The following ALMS1 variants were observed in gnomAD, a reference collection of about 807,000 sequenced individuals.
ALMS1 encodes the protein ALMS1 centrosome and basal body associated protein.
ALMS1 carries 271 observed loss-of-function variants against 352.2 expected under a neutral mutation model. The ratio of observed to expected loss-of-function variants is 0.77; its 90% confidence interval spans 0.70 to 0.85. The LOEUF is 0.85. Among genes scored for constraint, ALMS1 ranks in the 40% least tolerant of loss-of-function variants. The pLI, the probability that ALMS1 is intolerant of heterozygous loss-of-function variation, is 0.00. For missense variants in ALMS1, 5,445 were observed against 4,870.7 expected (o/e 1.12, Z -3.51); for synonymous variants, 1,865 against 1,761.2 (o/e 1.06, Z -1.48).
chr2:73,451,715 G>A lies in ALMS1; in HGVS notation c.5188G>A (p.Glu1730Lys). 1 of 1,613,444 alleles carries A rather than the reference G, an allele frequency of 6.2e-7. No homozygotes were observed. Among genetic ancestry groups the A allele is most frequent in the Non-Finnish European group, 8.5e-7 (1 of 1,179,832 alleles). Residue 1730 changes from glutamate (E) to lysine (K), a missense_variant, in exon 8 of 23, where the codon GAG becomes AAG. Glu to Lys is a moderately conservative substitution (Grantham distance 56, BLOSUM62 1). Coordinates refer to ENST00000613296, the MANE Select transcript of ALMS1 (RefSeq NM_001378454.1). ...VFYQQALPDS[E>K]LTQEALKVSA... is the part of the protein sequence containing the mutation. ...CTACCAACAGGCCCTGCCAGACAGT[G>A]AGCTAACTCAAGAAGCTCTGAAAGT...
Position 73,451,946 on chromosome 2 carries a change from TCA to T in ALMS1, c.5424_5425del (p.His1808GlnfsTer17). The T allele has an allele frequency of 6.2e-7, 1 of 1,613,712 alleles. No homozygotes were observed. Among genetic ancestry groups the T allele is most frequent in the Non-Finnish European group, 8.5e-7 (1 of 1,179,886 alleles). On this transcript the variant is annotated frameshift_variant, in exon 8 of 23. Transcript: ENST00000613296. LOFTEE classifies it high-confidence loss of function. ...GVSTVTSTSY[S>X]HREKPIVSYQ... ...ATCAACAGTAACCTCTACTTCCTAC[TCA>T]CACAGAGAGAAGCCCATTGTTTCCT...
Position 73,422,747 on chromosome 2 carries a change from T to A in ALMS1, c.647-110T>A, listed in dbSNP as rs144339680. 911 of 881,992 alleles carry A rather than the reference T, an allele frequency of 1.0e-3. 3 individuals are homozygous for A. Among genetic ancestry groups the A allele is most frequent in the Non-Finnish European group, 1.6e-3 (827 of 531,382 alleles). 54.6% of individuals were successfully genotyped at this position (881,992 alleles called of 1,614,324 possible). A position where few individuals can be genotyped will look rare whatever the true frequency, so the allele number is the denominator to read the frequency against. On this transcript the variant is annotated intron_variant, in intron 3 of 22. Transcript: ENST00000613296. Reference sequence around the variant, plus strand: ...TGCTTTTATATTATTATTCTAATGCTTGTAGAATTCTCCATATGGCAGCAT... The same window carrying A: ...TGCTTTTATATTATTATTCTAATGCATGTAGAATTCTCCATATGGCAGCAT...
chr2:73,449,637 A>G lies in ALMS1; in HGVS notation c.3110A>G (p.Asp1037Gly), dbSNP rs1386072606. Residue 1037 changes from aspartate (D) to glycine (G), a missense_variant, in exon 8 of 23, where the codon GAC (aspartate) becomes GGC (glycine). Coordinates refer to ENST00000613296, the MANE Select transcript of ALMS1 (RefSeq NM_001378454.1). Reference sequence around the variant, plus strand: ...GTTTCAACTGGCCCTGGACCAGCTGACCAGAAGACTGAGATACCAGCAGTA... The same window carrying G: ...GTTTCAACTGGCCCTGGACCAGCTGGCCAGAAGACTGAGATACCAGCAGTA... Reference protein sequence around the residue: ...LKVSTGPGPADQKTEIPAVQS... With the variant: ...LKVSTGPGPAGQKTEIPAVQS... 1.4e-5 allele frequency: 23 copies of G among 1,614,088 alleles called. No individual in the cohort carries two copies. Among genetic ancestry groups the G allele is most frequent in the Non-Finnish European group, 1.9e-5 (23 of 1,179,968 alleles).
At chr2:73,422,482 G>GT (rs1260320366) in intron 3 of ALMS1, among the ~76,000 whole-genome samples, 1 of 152,156 alleles carries the variant, frequency 6.6e-6, no homozygotes, top group Non-Finnish European at 1.5e-5. Context: ...ACTCATAATA[G>GT]TTAAGAGCGT....
intron 16 of ALMS1, among the ~76,000 whole-genome samples, chr2:73,577,567 C>T (rs1675080077): frequency 6.6e-6 from 1 of 151,720 alleles, no homozygotes; most frequent in Admixed American, 6.6e-5. Flanking sequence ...TCTCTTTAAG[C>T]CTTGCTTTTG....
intron 7 of ALMS1, among the ~76,000 whole-genome samples, chr2:73,445,115 A>T (rs1671785229): frequency 6.6e-6 from 1 of 152,018 alleles, no homozygotes; most frequent in Non-Finnish European, 1.5e-5. Flanking sequence ...TTTAATATTT[A>T]TGAGAACATA....
intron 11 of ALMS1, among the ~76,000 whole-genome samples, chr2:73,522,968 A>G (rs1235373205): frequency 6.6e-6 from 1 of 152,228 alleles, no homozygotes; most frequent in Admixed American, 6.5e-5. Flanking sequence ...GATATAAAAA[A>G]TGTTAAGTAG....
At chr2:73,560,856 G>C (rs1477764263) in intron 15 of ALMS1, among the ~76,000 whole-genome samples, 2 of 152,182 alleles carry the variant, frequency 1.3e-5, no homozygotes, top group Non-Finnish European at 2.9e-5. Context: ...CAAATGTTGA[G>C]GGATTTAGGA....
intron 16 of ALMS1, among the ~76,000 whole-genome samples, chr2:73,588,785 A>G (rs1034813669): frequency 2.0e-5 from 3 of 152,188 alleles, no homozygotes; most frequent in African/African-American, 7.2e-5. Flanking sequence ...CCTCCATGAG[A>G]AAAGAAAATG....
chr2:73,429,742 C>A (rs1464234351), intron 6 of ALMS1, among the ~76,000 whole-genome samples: 1 of 152,008 alleles, frequency 6.6e-6, no homozygotes, highest in Admixed American at 6.6e-5. Context: ...GTTTTTATAC[C>A]CTAATATTTG....
At chr2:73,511,947 T>C (rs1673462104) in intron 10 of ALMS1, among the ~76,000 whole-genome samples, 1 of 152,252 alleles carries the variant, frequency 6.6e-6, no homozygotes, top group Non-Finnish European at 1.5e-5. Context: ...ATGTTTAATT[T>C]TATAGGAAAC....
chr2:73,535,066 C>A (rs1316909176), intron 12 of ALMS1, 117 bp downstream of exon 12: 1 of 1,243,504 alleles, frequency 8.0e-7, no homozygotes, highest in Non-Finnish European at 1.2e-6. Context: ...AAATATGGAA[C>A]TTTTCATACC....
intron 1 of ALMS1, among the ~76,000 whole-genome samples, chr2:73,387,833 A>G (rs931046625): frequency 2.0e-5 from 3 of 152,210 alleles, no homozygotes; most frequent in Admixed American, 2.0e-4. Flanking sequence ...TTGCCCGGCA[A>G]AAGATGATGA....
At chr2:73,454,192 TA>T in intron 8 of ALMS1, 125 bp downstream of exon 8, 1 of 1,486,772 alleles carries the variant, frequency 6.7e-7, no homozygotes, top group South Asian at 1.3e-5. Context: ...AAAATGAAGT[TA>T]GATATTTGGA....
intron 1 of ALMS1, among the ~76,000 whole-genome samples, chr2:73,402,637 C>G (rs1037033797): frequency 6.6e-6 from 1 of 152,144 alleles, no homozygotes; most frequent in Admixed American, 6.6e-5. Flanking sequence ...TTGCCACCAG[C>G]AGTGTACAAG....
chr2:73,486,247 C>T (rs565436290), intron 9 of ALMS1, among the ~76,000 whole-genome samples: 1 of 151,952 alleles, frequency 6.6e-6, no homozygotes, highest in South Asian at 2.1e-4. Flanking sequence ...TTTCTTGTAA[C>T]CTGTAGCTGG....
At position 73,448,468 on chromosome 2, in the gene ALMS1, A is replaced by G. The variant is rs768031771; in HGVS notation, c.1941A>G (p.Glu647=). ...GTAACTTAACCGAAGAGCCTTTGGA[A>G]GTTTCAGCTGCTCCTGGCCCAGTGG... ...PESNLTEEPL[E]VSAAPGPVEQ... The change falls in exon 8 of 23, where the codon GAA becomes GAG. Residue 647 remains glutamate, a synonymous_variant. Transcript: ENST00000613296. The G allele has an allele frequency of 3.1e-6, 5 of 1,613,442 alleles. No individual in the cohort carries two copies. In the Admixed American group the frequency reaches 5.0e-5, roughly 16 times the overall value.
In ALMS1 at chr2:73,390,879, T is replaced by TCCTG. The variant is rs1670629618; in HGVS notation, c.324+4691_324+4694dup. Among the ~76,000 whole-genome samples the TCCTG allele has an allele frequency of 2.0e-5, 3 of 152,114 alleles. No homozygotes were observed. In the South Asian group the frequency reaches 6.2e-4, roughly 32 times the overall value. On this transcript the variant is annotated intron_variant, in intron 1 of 22. Coordinates refer to ENST00000613296, the MANE Select transcript of ALMS1 (RefSeq NM_001378454.1). ...TCCGCCTCCCGGGTTCAAGTGATTCTCCTGCCTCAGCCTCCGCAGTAGCTG... is the reference window on the plus strand; with the variant it reads ...TCCGCCTCCCGGGTTCAAGTGATTCTCCTGCCTGCCTCAGCCTCCGCAGTAGCTG...
chr2:73,494,604 C>T (rs1052921756), intron 10 of ALMS1, among the ~76,000 whole-genome samples: 7 of 152,248 alleles, frequency 4.6e-5, no homozygotes, highest in African/African-American at 1.7e-4. Context: ...ATGACCTTGA[C>T]GCTTTGAAGA....
Sources: gnomAD v4.1 joint callset for allele counts (sites outside exome capture counted in the v4.1 genomes callset) on GRCh38, gnomAD v4.1.1 for gene constraint, MANE v1.5 for transcripts, NCBI Gene and HGNC (gene_info 2026-07-23, HGNC 2026-07-21) for gene names.